Variants in A1CF observed in about 807,000 individuals in gnomAD.
A1CF encodes APOBEC1 complementation factor, also known as APOBEC-1 stimulating protein.
A1CF carries 48 observed loss-of-function variants against 68.9 expected under a neutral mutation model. The ratio of observed to expected loss-of-function variants is 0.70; its 90% CI spans 0.55 to 0.89. A1CF has a LOEUF of 0.89. A1CF is among the 40% of genes least tolerant of loss of function. The pLI, the probability that A1CF is intolerant of heterozygous loss-of-function variation, is 0.00. For synonymous variants in A1CF, 272 were observed against 260.4 expected, an observed-to-expected ratio of 1.04 and a Z score of -0.43; for missense variants, 653 against 718.9, an observed-to-expected ratio of 0.91 and a Z score of 1.05.
At chr10:50,875,505 G>T (rs1046999502) in intron 1 of A1CF, among the ~76,000 whole-genome samples, 1 of 152,196 alleles carries the variant, frequency 6.6e-6, no homozygotes, top group Non-Finnish European at 1.5e-5. Flanking sequence ...GGAGAGTTGA[G>T]TCAGGTGAAT....
intron 10 of A1CF, among the ~76,000 whole-genome samples, chr10:50,811,676 C>T (rs185632662): frequency 1.3e-4 from 20 of 152,228 alleles, no homozygotes; most frequent in Non-Finnish European, 2.6e-4. Flanking sequence ...TGGTATTTAT[C>T]GAGTGTTCCT....
intron 2 of A1CF, chr10:50,863,107 T>TA (rs1484852467): frequency 6.6e-6 from 1 of 152,242 alleles, no homozygotes; most frequent in East Asian, 1.9e-4. Flanking sequence ...TCTGAAGTTA[T>TA]TGAGAAAATC....
At chr10:50,810,969 G>A (rs1588963344) in intron 11 of A1CF, 71 bp downstream of exon 11, 3 of 1,469,660 alleles carry the variant, frequency 2.0e-6, no homozygotes, top group East Asian at 4.7e-5. Flanking sequence ...TGTTTAGATG[G>A]TGACTAAATG....
intron 7 of A1CF, chr10:50,822,727 T>G (rs1838735607): frequency 6.6e-6 from 1 of 152,238 alleles, no homozygotes; most frequent in Non-Finnish European, 1.5e-5. Context: ...ATATCCAATA[T>G]AGTCTCTTCA....
intron 6 of A1CF, among the ~76,000 whole-genome samples, chr10:50,834,179 T>G (rs1339411129): frequency 2.0e-5 from 3 of 152,306 alleles, no homozygotes; most frequent in East Asian, 1.9e-4. Flanking sequence ...CTGGGATTAC[T>G]GGATTGTCTT....
At chr10:50,854,495 A>G (rs1038090861) in intron 3 of A1CF, among the ~76,000 whole-genome samples, 27 of 152,182 alleles carry the variant, frequency 1.8e-4, no homozygotes, top group African/African-American at 6.5e-4. Flanking sequence ...TCACTATAAT[A>G]ACATCATTAT....
chr10:50,811,235 G>T, intron 10 of A1CF, 59 bp from the exon 11 acceptor site: 1 of 1,519,834 alleles, frequency 6.6e-7, no homozygotes. Context: ...TATTTCCCAA[G>T]TTTTCAGGTT....
chr10:50,838,420 C>A (rs1056041706), intron 5 of A1CF, among the ~76,000 whole-genome samples: 2 of 152,044 alleles, frequency 1.3e-5, no homozygotes, highest in African/African-American at 4.8e-5. Flanking sequence ...ACCTTGTTTT[C>A]CACAGTATTA....
At chr10:50,849,470 G>A (rs967343412) in intron 3 of A1CF, among the ~76,000 whole-genome samples, 2 of 152,150 alleles carry the variant, frequency 1.3e-5, no homozygotes, top group African/African-American at 4.8e-5. Flanking sequence ...TAAAAATTGT[G>A]TATAAAGACT....
At chr10:50,837,457 C>T (rs1463176777) in intron 5 of A1CF, among the ~76,000 whole-genome samples, 1 of 152,112 alleles carries the variant, frequency 6.6e-6, no homozygotes, top group African/African-American at 2.4e-5. Flanking sequence ...GAATATGTCC[C>T]TGGAAAATAA....
intron 5 of A1CF, among the ~76,000 whole-genome samples, chr10:50,839,608 G>A (rs117939652): frequency 5.0e-4 from 76 of 152,268 alleles, no homozygotes; most frequent in Non-Finnish European, 8.8e-4. Flanking sequence ...GCTCTTTTGG[G>A]TCCATGGAGG....
At chr10:50,810,918 G>T (rs1838078610) in intron 11 of A1CF, 122 bp downstream of exon 11, 1 of 1,143,018 alleles carries the variant, frequency 8.7e-7, no homozygotes, top group Non-Finnish European at 1.2e-6. Context: ...CTCAATATTT[G>T]CATTGAATGA....
intron 3 of A1CF, among the ~76,000 whole-genome samples, chr10:50,857,795 G>A (rs1164105425): frequency 1.3e-5 from 2 of 152,166 alleles, no homozygotes; most frequent in Non-Finnish European, 1.5e-5. Context: ...ATTTTGTTGG[G>A]TCAGGGAATG....
chr10:50,848,227 C>G (rs1333788053), intron 3 of A1CF, among the ~76,000 whole-genome samples: 3 of 152,116 alleles, frequency 2.0e-5, no homozygotes, highest in Non-Finnish European at 4.4e-5. Context: ...GTTCCATTAT[C>G]TTTCCTTCAT....
chr10:50,826,677 A>G lies in A1CF; in HGVS notation c.769+1454T>C, dbSNP rs192855831. Among the ~76,000 whole-genome samples the G allele has an allele frequency of 2.0e-5, 3 of 152,344 alleles. No individual in the cohort carries two copies. The East Asian group carries it at 5.8e-4, about 29-fold the overall frequency. The stretch of plus-strand genomic sequence containing the variant: ...AACCAGTACCAGCGACTGCAAAAAC[A>G]TGCCAAATTGTAAAGACCATCCAGG... On this transcript the variant is annotated intron_variant, in intron 7 of 12. Coordinates refer to ENST00000373997, the MANE Select transcript of A1CF (RefSeq NM_014576.4).
intron 1 of A1CF, among the ~76,000 whole-genome samples, chr10:50,875,159 A>G (rs1198919054): frequency 6.6e-6 from 1 of 152,262 alleles, no homozygotes; most frequent in Non-Finnish European, 1.5e-5. Context: ...AAAGGTAGAA[A>G]TTAGACAGCA....
rs760627724 is a variant in A1CF at position 50,813,847 on chromosome 10, C to T, written c.1323+10G>A. ...CTTAAAGAAACTATTTCTGGAATAA[C>T]ATTACCTACCTGGGGAGCGAGTTTA... On this transcript the variant is annotated intron_variant, in intron 10 of 12. Transcript: ENST00000373997. 1 of 1,611,958 alleles carries T rather than the reference C, an allele frequency of 6.2e-7. No individual in the cohort carries two copies. The highest frequency in any genetic ancestry group is 1.7e-5 in the Admixed American group (1 of 59,968).
intron 5 of A1CF, 93 bp downstream of exon 5, chr10:50,841,769 T>G: frequency 6.7e-7 from 1 of 1,482,888 alleles, no homozygotes; most frequent in Non-Finnish European, 9.1e-7. Context: ...TTGGCTTTTT[T>G]TTTGGCATAC....
intron 4 of A1CF, 121 bp downstream of exon 4, chr10:50,843,867 G>C: frequency 8.3e-7 from 1 of 1,205,760 alleles, no homozygotes; most frequent in Non-Finnish European, 1.2e-6. Flanking sequence ...CTATAATTGA[G>C]GAATGGTAAT....
Sources: allele counts gnomAD v4.1 joint callset (sites outside exome capture counted in the v4.1 genomes callset), GRCh38; gene constraint gnomAD v4.1.1; transcripts MANE v1.5; gene names NCBI Gene and HGNC (gene_info 2026-07-23, HGNC 2026-07-21).